Variants in MAOA observed in about 807,000 individuals in gnomAD.
MAOA encodes the protein amine oxidase [flavin-containing] A.
Under a neutral mutation model 42.0 loss-of-function variants are expected in MAOA, and 6 were observed. The ratio of observed to expected loss-of-function variants is 0.14; its 90% CI spans 0.08 to 0.28. The LOEUF (loss-of-function observed/expected upper bound fraction) is 0.28. MAOA is among the 10% of genes least tolerant of loss of function. The pLI is 1.00. For missense variants in MAOA, 262 were observed against 422.3 expected, an observed-to-expected ratio of 0.62 and a Z score of 3.33; for synonymous variants, 140 against 154.0, an observed-to-expected ratio of 0.91 and a Z score of 0.67.
intron 5 of MAOA, among the ~76,000 whole-genome samples, chrX:43,714,205 G>A (rs2033720407): frequency 9.0e-6 from 1 of 111,029 alleles, no homozygotes; most frequent in African/African-American, 3.3e-5. Flanking sequence ...GATGGGTGGT[G>A]TTTTAGGAAA....
intron 5 of MAOA, among the ~76,000 whole-genome samples, chrX:43,722,147 A>G (rs1230711008): frequency 8.9e-6 from 1 of 111,961 alleles, no homozygotes; most frequent in Non-Finnish European, 1.9e-5. Context: ...GCTGCAATAA[A>G]CATATGTGTG....
intron 3 of MAOA, among the ~76,000 whole-genome samples, chrX:43,703,370 G>A (rs759190493): frequency 1.8e-5 from 2 of 111,964 alleles, no homozygotes; most frequent in South Asian, 7.5e-4. Context: ...AGGAGGACGG[G>A]CTAAGGGCAG....
Position 43,731,245 on chromosome X carries a change from G to A in MAOA, c.650G>A (p.Arg217Gln), listed in dbSNP as rs765118799. 24 of 1,208,297 alleles carry A rather than the reference G, an allele frequency of 2.0e-5. No individual in the cohort carries two copies. The highest frequency in any genetic ancestry group is 6.6e-5 in the Admixed American group (3 of 45,719). The change falls in exon 7 of 15, where the codon CGG becomes CAG. Residue 217 changes from arginine to glutamine, a missense_variant. By Grantham distance (43) the Arg-to-Gln change is conservative. This residue lies in a region of MAOA where 141 missense variants were observed against 195.6 expected (regional missense o/e 0.72). Coordinates refer to ENST00000338702, the MANE Select transcript of MAOA (RefSeq NM_000240.4). ...IFSVTNGGQE[R>Q]KFVGGSGQVS... The stretch of plus-strand genomic sequence containing the variant: ...CTTACCTACCTCCTCCTGTAGGAAC[G>A]GAAGTTTGTAGGTGGATCTGGTCAA...
intron 5 of MAOA, among the ~76,000 whole-genome samples, chrX:43,726,933 C>A (rs748959766): frequency 9.0e-6 from 1 of 111,561 alleles, no homozygotes; most frequent in Non-Finnish European, 1.9e-5. Context: ...ACAGGCCCCT[C>A]AGCTGCAAGT....
chrX:43,710,911 T>A (rs2033694648), intron 3 of MAOA, among the ~76,000 whole-genome samples: 1 of 112,217 alleles, frequency 8.9e-6, no homozygotes, highest in South Asian at 3.7e-4. Flanking sequence ...AGGACCACAC[T>A]TGAGGATGAG....
At position 43,703,411 on chromosome X, in the gene MAOA, C is replaced by T. The variant is rs1375528737; in HGVS notation, c.307-8461C>T. ...CAGCATGAAGCCCATGATGCACTTGCAATTTTAGCTAGATATACAAGCAAT... is the reference window on the plus strand; with the variant it reads ...CAGCATGAAGCCCATGATGCACTTGTAATTTTAGCTAGATATACAAGCAAT... On this transcript the variant is annotated intron_variant, in intron 3 of 14. Coordinates refer to ENST00000338702, the MANE Select transcript of MAOA (RefSeq NM_000240.4). Among the ~76,000 whole-genome samples, 4 of 112,271 alleles carry T rather than the reference C, an allele frequency of 3.6e-5. No individual in the cohort carries two copies. The Admixed American group carries it at 3.8e-4, about 11-fold the overall frequency.
chrX:43,655,128 A>C (rs1209642608), upstream of MAOA: 2 of 115,829 alleles, frequency 1.7e-5, no homozygotes, highest in African/African-American at 7.1e-5. Context: ...TACCCGCACC[A>C]GTACCGGCAC....
At chrX:43,686,171 G>T (rs2033486036) in intron 2 of MAOA, among the ~76,000 whole-genome samples, 1 of 111,815 alleles carries the variant, frequency 8.9e-6, no homozygotes, top group African/African-American at 3.3e-5. Flanking sequence ...TTATTAAGTT[G>T]TCCCTTAGCT....
intron 2 of MAOA, 89 bp from the exon 3 acceptor site, chrX:43,693,202 T>TA (rs1329052301): frequency 3.5e-5 from 34 of 969,005 alleles, no homozygotes; most frequent in Admixed American, 2.3e-4. Context: ...AATTAACTTT[T>TA]AAAAAAATAA....
intron 3 of MAOA, among the ~76,000 whole-genome samples, chrX:43,698,452 C>T (rs2033597885): frequency 2.7e-5 from 3 of 111,827 alleles, no homozygotes; most frequent in South Asian, 3.7e-4. Flanking sequence ...CTATCTACTA[C>T]GTTCATAGAG....
intron 2 of MAOA, among the ~76,000 whole-genome samples, chrX:43,685,354 G>A (rs926218609): frequency 8.9e-6 from 1 of 111,808 alleles, no homozygotes; most frequent in African/African-American, 3.3e-5. Flanking sequence ...ATTTGCTTTA[G>A]TCTCATTGGC....
At chrX:43,669,254 CA>C (rs764727562) in intron 1 of MAOA, among the ~76,000 whole-genome samples, 7,827 of 80,313 alleles carry the variant, frequency 0.097, 849 homozygotes, top group African/African-American at 0.3. Context: ...ACTAAAAATA[CA>C]AAAAAAAAAA....
At chrX:43,736,574 A>G (rs1426839763) in intron 10 of MAOA, among the ~76,000 whole-genome samples, 1 of 111,652 alleles carries the variant, frequency 9.0e-6, no homozygotes, top group Non-Finnish European at 1.9e-5. Flanking sequence ...TGCTGTAGAA[A>G]CCGAATCCCA....
At chrX:43,675,416 C>T (rs898426673) in intron 1 of MAOA, among the ~76,000 whole-genome samples, 1 of 112,111 alleles carries the variant, frequency 8.9e-6, no homozygotes, top group Non-Finnish European at 1.9e-5. Context: ...GTAGTTTGAT[C>T]GTCCGAAGCC....
Position 43,744,867 on chromosome X carries a change from A to G in MAOA, c.*354A>G. 3.8e-6 allele frequency: 1 copy of G among 261,142 alleles called. No homozygotes were observed. Among genetic ancestry groups the G allele is most frequent in the Non-Finnish European group, 7.0e-6 (1 of 143,349 alleles). The allele number at this position is 261,142 out of a possible 1,213,427, so 21.5% of individuals were successfully genotyped here. A position where few individuals can be genotyped will look rare whatever the true frequency, so the allele number is the denominator to read the frequency against. On this transcript the variant is annotated 3_prime_UTR_variant, in exon 15 of 15. Transcript: ENST00000338702. ...TGCAAAATACATGATGATTTCAGAA[A>G]CAAAGCATTTGACTTTCTGTCTGTG...
chrX:43,717,554 G>T (rs73470777), intron 5 of MAOA, among the ~76,000 whole-genome samples: 1 of 110,269 alleles, frequency 9.1e-6, no homozygotes, highest in African/African-American at 3.3e-5. Context: ...AAAATTGAAG[G>T]GTAGACATTG....
chrX:43,685,416 A>C (rs1214021875), intron 2 of MAOA, among the ~76,000 whole-genome samples: 1 of 111,953 alleles, frequency 8.9e-6, no homozygotes, highest in East Asian at 2.8e-4. Flanking sequence ...TGGGAAAGTA[A>C]GTATTTCACA....
intron 1 of MAOA, among the ~76,000 whole-genome samples, chrX:43,679,434 C>A (rs1164625369): frequency 9.2e-6 from 1 of 109,222 alleles, no homozygotes; most frequent in Non-Finnish European, 1.9e-5. Flanking sequence ...TTTCAGAAGA[C>A]TTTGTTGTGG....
At chrX:43,710,746 G>T (rs994401256) in intron 3 of MAOA, among the ~76,000 whole-genome samples, 2 of 112,012 alleles carry the variant, frequency 1.8e-5, no homozygotes, top group African/African-American at 6.5e-5. Context: ...CACTTTGGCT[G>T]TTACACAATG....
Sources: gnomAD v4.1 joint callset for allele counts (sites outside exome capture counted in the v4.1 genomes callset) on GRCh38, gnomAD v4.1.1 for gene constraint, gnomAD v4.1.1 regional missense constraint, MANE v1.5 for transcripts, NCBI Gene and HGNC (gene_info 2026-07-23, HGNC 2026-07-21) for gene names.